The following CSMD1 variants were observed in gnomAD, a reference collection of about 807,000 sequenced individuals.
CSMD1 encodes CUB and sushi domain-containing protein 1.
Under a neutral mutation model 417.5 loss-of-function variants are expected in CSMD1, and 213 were observed. That is an observed-to-expected ratio of 0.51 (90% confidence interval 0.46 to 0.57). The LOEUF is 0.57. CSMD1 is among the 20% of genes least tolerant of loss of function. The pLI, the probability that CSMD1 is intolerant of heterozygous loss-of-function variation, is 0.00. For missense variants in CSMD1, 6,923 were observed against 4,529.7 expected, an observed-to-expected ratio of 1.53 and a Z score of -15.17; for synonymous variants, 2,862 against 1,736.8, an observed-to-expected ratio of 1.65 and a Z score of -16.11.
chr8:3,955,528 G>C (rs190291536), intron 5 of CSMD1, among the ~76,000 whole-genome samples: 187 of 152,230 alleles, frequency 1.2e-3, no homozygotes, highest in Non-Finnish European at 2.2e-3. Flanking sequence ...CCTCTAATAA[G>C]TCAGTAGAGG....
intron 3 of CSMD1, among the ~76,000 whole-genome samples, chr8:4,173,601 T>G (rs931003724): frequency 6.6e-6 from 1 of 152,104 alleles, no homozygotes; most frequent in African/African-American, 2.4e-5. Context: ...GGTTTAAAAG[T>G]TATTAGATAC....
At chr8:3,004,460 G>A (rs972726721) in intron 52 of CSMD1, among the ~76,000 whole-genome samples, 17 of 152,286 alleles carry the variant, frequency 1.1e-4, no homozygotes, top group Middle Eastern at 6.8e-3. Context: ...AATCTTCTGC[G>A]TGAATTTATT....
chr8:4,213,229 A>T (rs963448373), intron 3 of CSMD1, among the ~76,000 whole-genome samples: 2 of 152,182 alleles, frequency 1.3e-5, no homozygotes, highest in African/African-American at 4.8e-5. Flanking sequence ...TTGTCTATGA[A>T]CCAGCTGGGT....
intron 3 of CSMD1, among the ~76,000 whole-genome samples, chr8:4,342,161 C>G (rs1029484283): frequency 1.3e-5 from 2 of 151,878 alleles, no homozygotes; most frequent in African/African-American, 2.4e-5. Flanking sequence ...TCTACCAAGC[C>G]ACATTCTTAC....
chr8:4,254,573 C>T (rs1803317417), intron 3 of CSMD1, among the ~76,000 whole-genome samples: 1 of 152,144 alleles, frequency 6.6e-6, no homozygotes, highest in Admixed American at 6.5e-5. Context: ...ATGTCCTAAG[C>T]CTTCACATTC....
intron 10 of CSMD1, among the ~76,000 whole-genome samples, chr8:3,517,523 T>A (rs1181367594): frequency 6.6e-6 from 1 of 152,210 alleles, no homozygotes; most frequent in Non-Finnish European, 1.5e-5. Flanking sequence ...GGTTCCAATG[T>A]CACACAAGTC....
chr8:3,314,661 A>T (rs543498639), intron 23 of CSMD1, among the ~76,000 whole-genome samples: 22 of 152,358 alleles, frequency 1.4e-4, no homozygotes, highest in African/African-American at 5.0e-4. Flanking sequence ...AATCAAAACA[A>T]GCTCCAAACA....
At chr8:4,790,410 G>C (rs1369627249) in intron 1 of CSMD1, among the ~76,000 whole-genome samples, 2 of 152,088 alleles carry the variant, frequency 1.3e-5, no homozygotes, top group East Asian at 3.9e-4. Flanking sequence ...ACTTCCCAGA[G>C]CAATTTACAG....
intron 4 of CSMD1, among the ~76,000 whole-genome samples, chr8:4,024,381 G>A (rs1467848822): frequency 6.6e-5 from 10 of 152,148 alleles, no homozygotes; most frequent in East Asian, 1.9e-4. Flanking sequence ...GTATGGATAC[G>A]CTGATGGAAG....
At position 4,710,847 on chromosome 8, in the gene CSMD1, A is replaced by AAAT. The variant is rs549449944; in HGVS notation, c.86-73292_86-73290dup. Reference sequence around the variant, plus strand: ...GAGACAGAGTAAGACTCTGTCTCAAAAATAATAATAATAATAAATAAAAAT... The same window carrying AAAT: ...GAGACAGAGTAAGACTCTGTCTCAAAAATAATAATAATAATAATAAATAAAAAT... On this transcript the variant is annotated intron_variant, in intron 1 of 69. Transcript: ENST00000635120. Among the ~76,000 whole-genome samples, 1,127 of 151,706 alleles carry AAAT rather than the reference A, an allele frequency of 7.4e-3. 7 individuals are homozygous for AAAT. The highest frequency in any genetic ancestry group is 0.025 in the African/African-American group (1,039 of 41,404).
chr8:4,315,231 C>T (rs1027415474), intron 3 of CSMD1, among the ~76,000 whole-genome samples: 3 of 152,144 alleles, frequency 2.0e-5, no homozygotes, highest in South Asian at 2.1e-4. Flanking sequence ...AAGGAAAGCC[C>T]AGCTCTGGCT....
At position 4,335,309 on chromosome 8, in the gene CSMD1, G is replaced by A. The variant is rs80046671; in HGVS notation, c.415+84644C>T. Among the ~76,000 whole-genome samples, 85 of 152,182 alleles carry A rather than the reference G, an allele frequency of 5.6e-4. No homozygotes were observed. In the East Asian group the frequency reaches 0.015, roughly 27 times the overall value. On this transcript the variant is annotated intron_variant, in intron 3 of 69. Transcript: ENST00000635120. ...GTCCTACTACCATAACCGGGAGGGT[G>A]AGGATTTCAACCTCGGACTTTTGTG...
chr8:3,374,261 T>C (rs902122259), intron 18 of CSMD1, among the ~76,000 whole-genome samples: 3 of 152,038 alleles, frequency 2.0e-5, no homozygotes, highest in African/African-American at 4.8e-5. Context: ...GTCCGACCCA[T>C]CCACCCGTTT....
chr8:4,789,498 T>G (rs572101831), intron 1 of CSMD1, among the ~76,000 whole-genome samples: 3 of 152,206 alleles, frequency 2.0e-5, no homozygotes, highest in Non-Finnish European at 4.4e-5. Context: ...GGATAAATGC[T>G]AAAGCCACCT....
chr8:3,293,014 C>A (rs972714825), intron 25 of CSMD1, among the ~76,000 whole-genome samples: 1 of 152,018 alleles, frequency 6.6e-6, no homozygotes, highest in Admixed American at 6.6e-5. Context: ...TCTTTTAGGG[C>A]AGGCCTGGTG....
At chr8:4,065,481 C>T (rs1044481303) in intron 3 of CSMD1, among the ~76,000 whole-genome samples, 5 of 152,124 alleles carry the variant, frequency 3.3e-5, no homozygotes, top group African/African-American at 1.2e-4. Flanking sequence ...TGTACATTAG[C>T]TAATACAAAG....
intron 11 of CSMD1, among the ~76,000 whole-genome samples, chr8:3,479,668 T>C (rs1051395881): frequency 1.3e-5 from 2 of 152,086 alleles, no homozygotes; most frequent in Admixed American, 6.5e-5. Flanking sequence ...AAAATATAAA[T>C]AGTACCTAGC....
At chr8:3,069,900 A>C (rs1338145957) in intron 49 of CSMD1, among the ~76,000 whole-genome samples, 1 of 152,164 alleles carries the variant, frequency 6.6e-6, no homozygotes, top group Non-Finnish European at 1.5e-5. Flanking sequence ...CATACTCCAA[A>C]ATCTAGGTAG....
intron 3 of CSMD1, among the ~76,000 whole-genome samples, chr8:4,160,888 T>C (rs1797119518): frequency 6.6e-6 from 1 of 152,254 alleles, no homozygotes; most frequent in South Asian, 2.1e-4. Context: ...GACATACTGC[T>C]GTTGTTCTCT....
Sources: gnomAD v4.1 joint callset for allele counts (sites outside exome capture counted in the v4.1 genomes callset) on GRCh38, gnomAD v4.1.1 for gene constraint, MANE v1.5 for transcripts, NCBI Gene and HGNC (gene_info 2026-07-23, HGNC 2026-07-21) for gene names.